Variants in NCALD observed in about 807,000 individuals in gnomAD.
The protein encoded by NCALD is neurocalcin-delta.
Under a neutral mutation model 18.6 loss-of-function variants are expected in NCALD, and 10 were observed. The ratio of observed to expected loss-of-function variants is 0.54; its 90% CI spans 0.33 to 0.91. The LOEUF (loss-of-function observed/expected upper bound fraction) is 0.91, where lower values mean the gene tolerates loss of function less well. NCALD is among the 40% of genes least tolerant of loss of function. NCALD has a pLI of 0.03. For synonymous variants in NCALD, 88 were observed against 87.4 expected (o/e 1.01, Z -0.04); for missense variants, 184 against 247.6 (o/e 0.74, Z 1.72).
At chr8:101,956,329 C>CTA (rs1819621869) in intron 2 of NCALD, among the ~76,000 whole-genome samples, 1 of 152,092 alleles carries the variant, frequency 6.6e-6, no homozygotes, top group South Asian at 2.1e-4. Flanking sequence ...AGGCCAATGA[C>CTA]TATGTTTAAA....
chr8:101,711,034 A>G (rs1397920011), intron 2 of NCALD, among the ~76,000 whole-genome samples: 1 of 152,016 alleles, frequency 6.6e-6, no homozygotes, highest in Non-Finnish European at 1.5e-5. Context: ...GCACCTGGCC[A>G]GGTGCCCCTC....
At chr8:101,917,764 G>T (rs531608170) in intron 2 of NCALD, among the ~76,000 whole-genome samples, 1 of 151,960 alleles carries the variant, frequency 6.6e-6, no homozygotes, top group South Asian at 2.1e-4. Flanking sequence ...ACTTCCTAAG[G>T]CTGAATTAGA....
At chr8:101,942,262 C>T (rs972901403) in intron 2 of NCALD, among the ~76,000 whole-genome samples, 4 of 152,190 alleles carry the variant, frequency 2.6e-5, no homozygotes, top group African/African-American at 9.7e-5. Flanking sequence ...CCGTCTGCTG[C>T]TGGCCTCTCG....
At chr8:101,909,733 A>G (rs768486314) in intron 3 of NCALD, among the ~76,000 whole-genome samples, 1 of 151,938 alleles carries the variant, frequency 6.6e-6, no homozygotes, top group African/African-American at 2.4e-5. Context: ...TGAGGTGAGA[A>G]CCCAGGATTA....
At chr8:101,988,154 C>CAAAAAAAAAAAAAAA (rs141735735) in intron 2 of NCALD, among the ~76,000 whole-genome samples, 17 of 37,008 alleles carry the variant, frequency 4.6e-4, no homozygotes, top group African/African-American at 9.8e-4. Context: ...GACTCCGTCT[C>CAAAAAAAAAAAAAAA]AAAAAAAAAA....
At chr8:101,757,975 G>T (rs961942191) in intron 1 of NCALD, among the ~76,000 whole-genome samples, 1 of 152,028 alleles carries the variant, frequency 6.6e-6, no homozygotes, top group African/African-American at 2.4e-5. Flanking sequence ...ATTTTTTGTA[G>T]AAATGGGGTC....
chr8:101,741,634 GAAA>G lies in NCALD; in HGVS notation c.-19-21989_-19-21987del, dbSNP rs11289645. Among the ~76,000 whole-genome samples, 688 of 148,408 alleles carry G rather than the reference GAAA, an allele frequency of 4.6e-3. 7 individuals carry two copies. The highest frequency in any genetic ancestry group is 0.016 in the African/African-American group (655 of 40,474). ...GAAACAAAAATGATTACAGTGAAAG[GAAA>G]AAAAAAAAGGAGGGGCTAGGTATGG... On this transcript the variant is annotated intron_variant, in intron 1 of 3. Coordinates refer to ENST00000220931, the MANE Select transcript of NCALD (RefSeq NM_032041.3).
At chr8:101,731,318 T>C (rs2130585692) in intron 1 of NCALD, among the ~76,000 whole-genome samples, 1 of 152,274 alleles carries the variant, frequency 6.6e-6, no homozygotes, top group Non-Finnish European at 1.5e-5. Flanking sequence ...GCTGAGCCAG[T>C]GCAGGGTTTT....
intron 2 of NCALD, among the ~76,000 whole-genome samples, chr8:101,707,715 A>T (rs1203304154): frequency 1.3e-5 from 2 of 152,074 alleles, no homozygotes; most frequent in East Asian, 3.9e-4. Flanking sequence ...AAAACAACAG[A>T]TATGTAGCTG....
rs553296118 is a variant in NCALD at position 101,956,520 on chromosome 8, G to A, written c.-156-40662C>T. On this transcript the variant is annotated intron_variant, in intron 2 of 6. Transcript: ENST00000311028. ...GCTTTGAAATTTTATAGCAATATAG[G>A]TACACGTAAGTATCTACATATATTC... Among the ~76,000 whole-genome samples, 5 of 152,086 alleles carry A rather than the reference G, an allele frequency of 3.3e-5. No homozygotes were observed. The East Asian group carries it at 9.7e-4, about 29-fold the overall frequency.
At chr8:102,069,325 A>G (rs185465734) in intron 1 of NCALD, among the ~76,000 whole-genome samples, 54 of 152,242 alleles carry the variant, frequency 3.5e-4, no homozygotes, top group African/African-American at 1.3e-3. Flanking sequence ...ATAAATATAA[A>G]TAATTATTAT....
At chr8:102,106,874 T>C (rs944000347) in intron 1 of NCALD, among the ~76,000 whole-genome samples, 1 of 152,128 alleles carries the variant, frequency 6.6e-6, no homozygotes, top group Non-Finnish European at 1.5e-5. Context: ...CCATAAGCTT[T>C]CTTTCATTAC....
At chr8:101,954,154 G>A (rs896018532) in intron 2 of NCALD, among the ~76,000 whole-genome samples, 1 of 152,172 alleles carries the variant, frequency 6.6e-6, no homozygotes, top group African/African-American at 2.4e-5. Flanking sequence ...TATGGCAGAA[G>A]GAGCCTCAGC....
Position 101,980,523 on chromosome 8 carries a change from G to C in NCALD, c.-157+39714C>G, listed in dbSNP as rs188385973. Among the ~76,000 whole-genome samples, 6 of 152,284 alleles carry C rather than the reference G, an allele frequency of 3.9e-5. No individual in the cohort carries two copies. In the East Asian group the frequency reaches 1.2e-3, roughly 29 times the overall value. The stretch of plus-strand genomic sequence containing the variant: ...TACATAGAGAAAACTGAACAAGAAG[G>C]CAAAGTATCTGGAAACAGTGAAAAA... On this transcript the variant is annotated intron_variant, in intron 2 of 6. Coordinates refer to the NCALD transcript ENST00000311028.
chr8:102,030,239 C>T (rs1377216488), intron 1 of NCALD, among the ~76,000 whole-genome samples: 1 of 152,188 alleles, frequency 6.6e-6, no homozygotes, highest in Admixed American at 6.5e-5. Context: ...CATTTAAGGC[C>T]ATGAATGAAT....
intron 1 of NCALD, among the ~76,000 whole-genome samples, chr8:102,082,226 CTTT>C (rs757875219): frequency 1.6e-3 from 118 of 71,852 alleles, no homozygotes; most frequent in Middle Eastern, 0.01. Context: ...GAAGCTCTCT[CTTT>C]TTTTTTTTTT....
intron 4 of NCALD, among the ~76,000 whole-genome samples, chr8:101,801,022 A>C (rs2131076483): frequency 6.6e-6 from 1 of 151,206 alleles, no homozygotes; most frequent in East Asian, 1.9e-4. Flanking sequence ...AAGGAAAGGG[A>C]AAGGATGAAG....
At position 101,997,685 on chromosome 8, in the gene NCALD, AC is replaced by A. The variant is rs146115404; in HGVS notation, c.-157+22551del. On this transcript the variant is annotated intron_variant, in intron 2 of 6. Coordinates refer to the NCALD transcript ENST00000311028. ...AGGTCGCTCCACTGAATCTGCTGCAACTGGTCTATTTTCAGCTCTATTTCTC... is the reference window on the plus strand; with the variant it reads ...AGGTCGCTCCACTGAATCTGCTGCAATGGTCTATTTTCAGCTCTATTTCTC... 7.2e-3 allele frequency among the ~76,000 whole-genome samples: 1,104 copies of A among 152,344 alleles called. 12 individuals are homozygous for A. Among genetic ancestry groups the A allele is most frequent in the South Asian group, 0.042 (202 of 4,830 alleles).
intron 4 of NCALD, among the ~76,000 whole-genome samples, chr8:101,798,931 A>G (rs1236423404): frequency 6.6e-6 from 1 of 152,234 alleles, no homozygotes. Context: ...AACATATGGT[A>G]CTGGAACAAC....
Sources: allele counts gnomAD v4.1 joint callset (sites outside exome capture counted in the v4.1 genomes callset), GRCh38; gene constraint gnomAD v4.1.1; transcripts MANE v1.5; gene names NCBI Gene and HGNC (gene_info 2026-07-23, HGNC 2026-07-21).